UBE2U: variants seen among roughly 807,000 people sequenced by gnomAD.
UBE2U encodes ubiquitin-conjugating enzyme E2 U.
In UBE2U, 39 loss-of-function variants were observed where a neutral mutation model predicts 41.2. That is an observed-to-expected ratio of 0.95 (90% CI 0.73 to 1.24). UBE2U has a LOEUF of 1.24. Among genes scored for constraint, UBE2U ranks in the 50% most tolerant of loss-of-function variants. The pLI, the probability that UBE2U is intolerant of heterozygous loss-of-function variation, is 0.00. For missense variants in UBE2U, 336 were observed against 363.1 expected (o/e 0.93, Z 0.61); for synonymous variants, 107 against 117.8 (o/e 0.91, Z 0.60).
chr1:64,239,062 A>G (rs2644500), intron 7 of UBE2U, among the ~76,000 whole-genome samples: 13,204 of 69,406 alleles, frequency 0.19, 2,301 homozygotes, highest in African/African-American at 0.42. Flanking sequence ...AAGAAGAAGA[A>G]GAAGAGGAAG....
At chr1:64,260,324 T>A (rs1645161833) in intron 8 of UBE2U, among the ~76,000 whole-genome samples, 1 of 152,194 alleles carries the variant, frequency 6.6e-6, no homozygotes, top group Admixed American at 6.5e-5. Context: ...CTATACCACA[T>A]GATGTTTTTA....
At chr1:64,261,557 T>G (rs1255700495) in intron 9 of UBE2U, among the ~76,000 whole-genome samples, 1 of 152,184 alleles carries the variant, frequency 6.6e-6, no homozygotes, top group Non-Finnish European at 1.5e-5. Context: ...TCCAAGTTTC[T>G]TTTCCCTGCT....
At chr1:64,215,104 G>A (rs1402602601) in intron 5 of UBE2U, among the ~76,000 whole-genome samples, 172 bp downstream of exon 5, 1 of 152,176 alleles carries the variant, frequency 6.6e-6, no homozygotes, top group Non-Finnish European at 1.5e-5. Flanking sequence ...AGTGGCACAT[G>A]CCAGTAATCC....
chr1:64,264,477 A>G (rs1645223485), intron 9 of UBE2U, among the ~76,000 whole-genome samples: 1 of 152,180 alleles, frequency 6.6e-6, no homozygotes, highest in Non-Finnish European at 1.5e-5. Flanking sequence ...AAACATTTCT[A>G]TATTTATTTT....
In UBE2U at chr1:64,241,586, C is replaced by T. The variant is rs932421872; in HGVS notation, c.596-66C>T. 1.9e-5 allele frequency: 22 copies of T among 1,170,816 alleles called. No homozygotes were observed. The Admixed American group carries it at 4.8e-4, about 25-fold the overall frequency. The allele number at this position is 1,170,816 out of a possible 1,614,324, so 72.5% of individuals were successfully genotyped here. A position where few individuals can be genotyped will look rare whatever the true frequency, so the allele number is the denominator to read the frequency against. ...TTAATGAGAAGTGAATGATTTTTAA[C>T]TTTTAACTATTAACTATTATTAAAG... On this transcript the variant is annotated intron_variant, in intron 7 of 9. Transcript: ENST00000371077.
At chr1:64,255,253 A>C (rs2100524577) in intron 8 of UBE2U, among the ~76,000 whole-genome samples, 1 of 152,212 alleles carries the variant, frequency 6.6e-6, no homozygotes, top group Middle Eastern at 3.4e-3. Context: ...ACCAATAATG[A>C]GTTCTGAAAT....
At chr1:64,235,206 A>G (rs573896070) in intron 7 of UBE2U, among the ~76,000 whole-genome samples, 13 of 152,320 alleles carry the variant, frequency 8.5e-5, no homozygotes, top group Middle Eastern at 3.4e-3. Context: ...ATCTTTCACT[A>G]ACCTAGTATG....
chr1:64,212,550 A>T (rs547711244), intron 4 of UBE2U, among the ~76,000 whole-genome samples: 1 of 152,318 alleles, frequency 6.6e-6, no homozygotes, highest in East Asian at 1.9e-4. Flanking sequence ...TAATGTGTGT[A>T]AAGAATTCGG....
At chr1:64,207,010 A>G (rs1651339106) in intron 3 of UBE2U, among the ~76,000 whole-genome samples, 154 bp downstream of exon 3, 1 of 152,188 alleles carries the variant, frequency 6.6e-6, no homozygotes, top group Non-Finnish European at 1.5e-5. Context: ...AAAATTAGCA[A>G]TCACCTTAAA....
intron 6 of UBE2U, among the ~76,000 whole-genome samples, chr1:64,227,384 A>T (rs938296939): frequency 3.3e-5 from 5 of 152,214 alleles, no homozygotes; most frequent in African/African-American, 4.8e-5. Context: ...AAATGAATAT[A>T]AAAAAACTTG....
intron 6 of UBE2U, among the ~76,000 whole-genome samples, chr1:64,228,750 T>C (rs1372760716): frequency 3.4e-5 from 5 of 147,612 alleles, no homozygotes; most frequent in Non-Finnish European, 6.0e-5. Context: ...AGTGCAGTGG[T>C]ATAATCTCAG....
rs371311965 is a variant in UBE2U, at chr1:64,253,594, T to C, written c.678-7009T>C. On this transcript the variant is annotated intron_variant, in intron 8 of 9. Coordinates refer to ENST00000371077, the MANE Select transcript of UBE2U (RefSeq NM_001366232.2). ...CAGAAACCCTACAAACTGGAAGAGA[T>C]TGGGGACCAATATTCAACATTTTTA... Among the ~76,000 whole-genome samples the C allele has an allele frequency of 7.8e-4, 119 of 152,022 alleles. 3 individuals carry two copies. In the South Asian group the frequency reaches 0.022, roughly 28 times the overall value.
At chr1:64,206,258 C>A (rs1381212979) in intron 2 of UBE2U, among the ~76,000 whole-genome samples, 1 of 151,856 alleles carries the variant, frequency 6.6e-6, no homozygotes, top group Admixed American at 6.6e-5. Flanking sequence ...CTGATAATTA[C>A]AATAAAATAT....
At chr1:64,260,801 C>A (rs1045568548) in intron 9 of UBE2U, 107 bp downstream of exon 9, 8 of 801,408 alleles carry the variant, frequency 1.0e-5, no homozygotes, top group South Asian at 8.0e-5. Flanking sequence ...TATATGAGGG[C>A]TAATCCTTGT....
intron 8 of UBE2U, among the ~76,000 whole-genome samples, chr1:64,257,495 G>A (rs1384865595): frequency 1.3e-5 from 2 of 152,172 alleles, no homozygotes; most frequent in Non-Finnish European, 2.9e-5. Flanking sequence ...ATTATCCTCA[G>A]CAAACTAACA....
intron 6 of UBE2U, among the ~76,000 whole-genome samples, chr1:64,222,625 G>A (rs971388089): frequency 6.6e-5 from 10 of 152,218 alleles, no homozygotes; most frequent in Middle Eastern, 6.3e-3. Flanking sequence ...GCTGCACTTC[G>A]TTGTGTGTCT....
chr1:64,213,303 C>T (rs898309785), intron 4 of UBE2U, among the ~76,000 whole-genome samples: 3 of 152,180 alleles, frequency 2.0e-5, no homozygotes, highest in Non-Finnish European at 4.4e-5. Flanking sequence ...TGGTCAGTCT[C>T]CAGTTCCCCT....
At chr1:64,213,059 AGAGCTTT>A (rs1284515894) in intron 4 of UBE2U, among the ~76,000 whole-genome samples, 3 of 152,214 alleles carry the variant, frequency 2.0e-5, no homozygotes, top group African/African-American at 7.2e-5. Flanking sequence ...TTACTAGGAA[AGAGCTTT>A]CTGCTCTTTT....
intron 4 of UBE2U, among the ~76,000 whole-genome samples, chr1:64,213,855 T>C (rs1254010932): frequency 6.6e-6 from 1 of 152,166 alleles, no homozygotes; most frequent in Non-Finnish European, 1.5e-5. Flanking sequence ...GGCTATGTTA[T>C]AGCCTGTTGC....
Sources: gnomAD v4.1 joint callset for allele counts (sites outside exome capture counted in the v4.1 genomes callset) on GRCh38, gnomAD v4.1.1 for gene constraint, MANE v1.5 for transcripts, NCBI Gene and HGNC (gene_info 2026-07-23, HGNC 2026-07-21) for gene names.